Variants in PLAC8 observed in about 807,000 individuals in gnomAD.
PLAC8 encodes placenta associated 8, also known as placenta-specific gene 8 protein.
Under a neutral mutation model 12.6 loss-of-function variants are expected in PLAC8, and 6 were observed. That is an observed-to-expected ratio of 0.48 (90% CI 0.26 to 0.94). The LOEUF (loss-of-function observed/expected upper bound fraction) is 0.94, where lower values mean the gene tolerates loss of function less well. PLAC8 is among the 40% of genes least tolerant of loss of function. PLAC8 has a pLI of 0.14. For synonymous variants in PLAC8, 54 were observed against 52.6 expected (o/e 1.03, Z -0.11); for missense variants, 122 against 152.7 (o/e 0.80, Z 1.06).
At chr4:83,112,304 C>T (rs1398859665) in intron 1 of PLAC8, among the ~76,000 whole-genome samples, 1 of 151,152 alleles carries the variant, frequency 6.6e-6, no homozygotes, top group Non-Finnish European at 1.5e-5. Flanking sequence ...TTACTTCCTC[C>T]ATGTAGTAGC....
At chr4:83,105,137 C>T in intron 2 of PLAC8, 117 bp from the exon 3 acceptor site, 1 of 1,085,174 alleles carries the variant, frequency 9.2e-7, no homozygotes, top group Non-Finnish European at 1.4e-6. Flanking sequence ...GCAAAGCCTG[C>T]TGCTAAGTCC....
chr4:83,100,461 T>C (rs1432227079), intron 3 of PLAC8, among the ~76,000 whole-genome samples: 2 of 151,670 alleles, frequency 1.3e-5, no homozygotes, highest in Non-Finnish European at 2.9e-5. Context: ...AAACCTCTTT[T>C]CTTTATAAAT....
chr4:83,111,724 C>G (rs1245860978), intron 1 of PLAC8, among the ~76,000 whole-genome samples: 4 of 152,114 alleles, frequency 2.6e-5, no homozygotes, highest in Non-Finnish European at 5.9e-5. Context: ...AGAATAAAAA[C>G]CACCCTGCAA....
At chr4:83,102,470 G>A (rs188950459) in intron 3 of PLAC8, among the ~76,000 whole-genome samples, 193 of 152,084 alleles carry the variant, frequency 1.3e-3, no homozygotes, top group African/African-American at 4.6e-3. Context: ...ACCTGGGAGG[G>A]GAAGGCTGCA....
intron 1 of PLAC8, among the ~76,000 whole-genome samples, chr4:83,108,938 A>G (rs999761337): frequency 1.3e-5 from 2 of 151,996 alleles, no homozygotes; most frequent in East Asian, 1.9e-4. Flanking sequence ...ATTTACTGGG[A>G]GCCTGCAAAC....
At chr4:83,093,386 G>GCT (rs1028692493) in intron 4 of PLAC8, 1 of 152,290 alleles carries the variant, frequency 6.6e-6, no homozygotes, top group African/African-American at 2.4e-5. Flanking sequence ...TCTTCACACA[G>GCT]CTCTCTCCTT....
rs1646185300 is a variant in PLAC8 at position 83,090,562 on chromosome 4, C to A, written c.*419G>T. ...AAAAAAAAAAGAAAGAAAGATCCCC[C>A]AACTCTATTAAAAAAAAAAAAAAAG... On this transcript the variant is annotated 3_prime_UTR_variant, in exon 5 of 5. Coordinates refer to ENST00000311507, the MANE Select transcript of PLAC8 (RefSeq NM_016619.3). 1 of 139,898 alleles carries A rather than the reference C, an allele frequency of 7.1e-6. No homozygotes were observed. The allele number at this position is 139,898 out of a possible 1,614,324, so 8.7% of individuals were successfully genotyped here. A position where few individuals can be genotyped will look rare whatever the true frequency, so the allele number is the denominator to read the frequency against.
chr4:83,097,037 C>T (rs989593786), intron 3 of PLAC8, among the ~76,000 whole-genome samples: 6 of 152,200 alleles, frequency 3.9e-5, no homozygotes, highest in African/African-American at 9.7e-5. Flanking sequence ...CAGTATAAAA[C>T]GGTACCTTTA....
Position 83,090,891 on chromosome 4 carries a change from A to C in PLAC8, c.*90T>G, listed in dbSNP as rs1240180037. On this transcript the variant is annotated 3_prime_UTR_variant, in exon 5 of 5. Transcript: ENST00000311507. Reference sequence around the variant, plus strand: ...AGTTGTACTTAAGCATATCCATCATATTTCAGTTGCAAAAGATGGTGAAGA... The same window carrying C: ...AGTTGTACTTAAGCATATCCATCATCTTTCAGTTGCAAAAGATGGTGAAGA... The C allele has an allele frequency of 6.6e-6, 1 of 152,160 alleles. No homozygotes were observed. The highest frequency in any genetic ancestry group is 1.5e-5 in the Non-Finnish European group (1 of 68,032). 9.4% of individuals were successfully genotyped at this position (152,160 alleles called of 1,614,324 possible).
chr4:83,094,249 T>C (rs1731872619), intron 4 of PLAC8: 1 of 153,516 alleles, frequency 6.5e-6, no homozygotes, highest in Non-Finnish European at 1.5e-5. Flanking sequence ...CTATGATAGA[T>C]GCTTTATGCC....
chr4:83,099,941 G>A (rs1305670904), intron 3 of PLAC8, among the ~76,000 whole-genome samples: 3 of 151,736 alleles, frequency 2.0e-5, no homozygotes, highest in African/African-American at 7.3e-5. Context: ...GGGAGGCAGA[G>A]GTTGCAGTGA....
Position 83,090,831 on chromosome 4 carries a change from T to C in PLAC8, c.*150A>G, listed in dbSNP as rs1344929224. 6.6e-6 allele frequency: 1 copy of C among 152,174 alleles called. No homozygotes were observed. Among genetic ancestry groups the C allele is most frequent in the Non-Finnish European group, 1.5e-5 (1 of 68,032 alleles). The allele number at this position is 152,174 out of a possible 1,614,324, so 9.4% of individuals were successfully genotyped here. On this transcript the variant is annotated 3_prime_UTR_variant, in exon 5 of 5. Transcript: ENST00000311507. The stretch of plus-strand genomic sequence containing the variant: ...TAAGTTCAGGGACAACATTCATTTA[T>C]AATAAATCAAAAATTTGATTTTTTT...
At position 83,099,228 on chromosome 4, in the gene PLAC8, A is replaced by G. The variant is rs541414490; in HGVS notation, c.244-4437T>C. 3.5e-5 allele frequency among the ~76,000 whole-genome samples: 5 copies of G among 144,644 alleles called. No homozygotes were observed. In the East Asian group the frequency reaches 1.1e-3, roughly 32 times the overall value. The allele number at this position is 144,644 out of a possible 152,430, so 94.9% of individuals were successfully genotyped here. On this transcript the variant is annotated intron_variant, in intron 3 of 4. Coordinates refer to ENST00000311507, the MANE Select transcript of PLAC8 (RefSeq NM_016619.3). ...CTCTTTAAAAGATGATTTTATAATC[A>G]GCTATAACTTTTTTTTTTTTTGAGA...
At chr4:83,099,343 C>G (rs960291571) in intron 3 of PLAC8, among the ~76,000 whole-genome samples, 2 of 152,006 alleles carry the variant, frequency 1.3e-5, no homozygotes, top group Non-Finnish European at 1.5e-5. Context: ...AACCCTGCAT[C>G]AAGCAAGTCT....
chr4:83,101,359 C>T (rs1038528989), intron 3 of PLAC8, among the ~76,000 whole-genome samples: 11 of 152,120 alleles, frequency 7.2e-5, no homozygotes, highest in Non-Finnish European at 1.5e-4. Context: ...TCCAGCCTGA[C>T]GACAGAGCGA....
At chr4:83,092,292 G>A (rs1185177957) in intron 4 of PLAC8, among the ~76,000 whole-genome samples, 1 of 152,132 alleles carries the variant, frequency 6.6e-6, no homozygotes, top group African/African-American at 2.4e-5. Flanking sequence ...AGTAAACAGT[G>A]TTGGAATGAT....
intron 1 of PLAC8, among the ~76,000 whole-genome samples, chr4:83,113,367 C>T (rs1192731345): frequency 6.6e-6 from 1 of 152,188 alleles, no homozygotes; most frequent in Non-Finnish European, 1.5e-5. Context: ...CGGGCCTGTG[C>T]AGTATCCTGG....
intron 2 of PLAC8, among the ~76,000 whole-genome samples, chr4:83,107,525 A>G (rs549142452): frequency 4.7e-5 from 7 of 148,796 alleles, no homozygotes; most frequent in Admixed American, 2.7e-4. Context: ...GTTAGAATCA[A>G]TCAGCTCTTT....
intron 2 of PLAC8, 68 bp from the exon 3 acceptor site, chr4:83,105,088 G>T: frequency 6.3e-7 from 1 of 1,594,346 alleles, no homozygotes; most frequent in Non-Finnish European, 8.6e-7. Flanking sequence ...AGTTTAGCTT[G>T]CTTTCACAAA....
Sources: allele counts gnomAD v4.1 joint callset (sites outside exome capture counted in the v4.1 genomes callset), GRCh38; gene constraint gnomAD v4.1.1; transcripts MANE v1.5; gene names NCBI Gene and HGNC (gene_info 2026-07-23, HGNC 2026-07-21).